The following TAOK3 variants were observed in gnomAD, a reference collection of about 807,000 sequenced individuals.
TAOK3 encodes the protein serine/threonine-protein kinase TAO3.
A neutral mutation model predicts 120.4 loss-of-function variants in TAOK3; 40 were observed. The observed-to-expected ratio is 0.33, with a 90% CI of 0.26 to 0.43. TAOK3 has a LOEUF of 0.43. TAOK3 is among the 20% of genes least tolerant of loss of function. The pLI is 1.00. For missense variants in TAOK3, 821 were observed against 1,112.1 expected, an observed-to-expected ratio of 0.74 and a Z score of 3.72; for synonymous variants, 355 against 387.5, an observed-to-expected ratio of 0.92 and a Z score of 0.99.
chr12:118,286,635 T>C (rs2140473269), intron 1 of TAOK3, among the ~76,000 whole-genome samples: 1 of 151,628 alleles, frequency 6.6e-6, no homozygotes, highest in Non-Finnish European at 1.5e-5. Flanking sequence ...TGTAAACTAG[T>C]ACAACCACTG....
intron 19 of TAOK3, chr12:118,152,632 A>ACGGCGACCACCGAGATCTAC: frequency 2.0e-6 from 1 of 489,904 alleles, no homozygotes. Context: ...TATGATCTGA[A>ACGGCGACCACCGAGATCTAC]ACCACAGCAG....
intron 1 of TAOK3, among the ~76,000 whole-genome samples, chr12:118,343,412 G>A (rs145025800): frequency 0.031 from 4,638 of 147,626 alleles, 183 homozygotes; most frequent in African/African-American, 0.075. Flanking sequence ...AGGCGACAGA[G>A]TGAGTCCCTG....
chr12:118,261,993 T>C (rs1350052774), intron 2 of TAOK3, among the ~76,000 whole-genome samples: 1 of 152,090 alleles, frequency 6.6e-6, no homozygotes, highest in African/African-American at 2.4e-5. Flanking sequence ...CCCAAGTAGC[T>C]AGGATTACAG....
rs139751582 is a variant in TAOK3 at position 118,181,363 on chromosome 12, A to T, written c.1566+8T>A. Reference sequence around the variant, plus strand: ...TTGTGGCATGAAGGCGTGTGTGCACATACTGACCTCCTTTTCTATGATAGC... The same window carrying T: ...TTGTGGCATGAAGGCGTGTGTGCACTTACTGACCTCCTTTTCTATGATAGC... On this transcript the variant is annotated splice_region_variant and intron_variant, in intron 15 of 20. Coordinates refer to ENST00000392533, the MANE Select transcript of TAOK3 (RefSeq NM_016281.4). The T allele has an allele frequency of 4.3e-6, 7 of 1,611,226 alleles. No homozygotes were observed. The East Asian group carries it at 1.6e-4, about 36-fold the overall frequency.
At chr12:118,194,324 G>A (rs559898327) in intron 13 of TAOK3, among the ~76,000 whole-genome samples, 66 of 152,236 alleles carry the variant, frequency 4.3e-4, no homozygotes, top group African/African-American at 1.6e-3. Flanking sequence ...AAAAGCTGGG[G>A]CTGGAGGAAG....
At chr12:118,207,858 T>TCACACACACACACACACACACACACA (rs55978716) in intron 11 of TAOK3, among the ~76,000 whole-genome samples, 81 of 144,434 alleles carry the variant, frequency 5.6e-4, no homozygotes, top group Non-Finnish European at 9.3e-4. Context: ...AGACTCTGTC[T>TCACACACACACACACACACACACACA]CACACACACA....
chr12:118,268,000 A>G (rs1330379187), intron 1 of TAOK3, among the ~76,000 whole-genome samples: 2 of 152,146 alleles, frequency 1.3e-5, no homozygotes, highest in Non-Finnish European at 2.9e-5. Context: ...TGCATTTTTA[A>G]AATGCAGCTG....
intron 9 of TAOK3, among the ~76,000 whole-genome samples, chr12:118,233,211 A>G: frequency 7.6e-6 from 1 of 131,760 alleles, no homozygotes; most frequent in East Asian, 2.3e-4. Context: ...ATGAGAACAC[A>G]TGGACACAGG....
intron 13 of TAOK3, among the ~76,000 whole-genome samples, chr12:118,196,157 T>G (rs1342901576): frequency 6.6e-6 from 1 of 152,082 alleles, no homozygotes; most frequent in African/African-American, 2.4e-5. Flanking sequence ...AGGCAAGGAC[T>G]GGAGAGTAAG....
intron 9 of TAOK3, among the ~76,000 whole-genome samples, chr12:118,227,240 T>C (rs1016285092): frequency 2.7e-5 from 4 of 147,636 alleles, no homozygotes; most frequent in Non-Finnish European, 3.0e-5. Flanking sequence ...AAAATATTAC[T>C]TTTATATTTT....
At chr12:118,300,830 C>G (rs1036239917) in intron 1 of TAOK3, among the ~76,000 whole-genome samples, 1 of 151,942 alleles carries the variant, frequency 6.6e-6, no homozygotes, top group African/African-American at 2.4e-5. Flanking sequence ...GGCTGGAGTG[C>G]AATGGCACAA....
At chr12:118,220,482 T>C (rs1055343762) in intron 9 of TAOK3, among the ~76,000 whole-genome samples, 2 of 151,842 alleles carry the variant, frequency 1.3e-5, no homozygotes, top group South Asian at 2.1e-4. Flanking sequence ...CAGATACTAT[T>C]TGATGGCTTC....
chr12:118,164,033 G>A (rs1031028444), intron 17 of TAOK3, among the ~76,000 whole-genome samples: 29 of 151,694 alleles, frequency 1.9e-4, no homozygotes, highest in Non-Finnish European at 4.3e-4. Flanking sequence ...CTATTAAGAA[G>A]GTCAAGGAGC....
At chr12:118,164,092 G>A (rs2035413276) in intron 17 of TAOK3, among the ~76,000 whole-genome samples, 1 of 151,674 alleles carries the variant, frequency 6.6e-6, no homozygotes, top group Admixed American at 6.6e-5. Context: ...GGAGGCCGAG[G>A]CGGGTGGATC....
intron 3 of TAOK3, among the ~76,000 whole-genome samples, chr12:118,252,517 G>T (rs966181859): frequency 6.6e-6 from 1 of 151,966 alleles, no homozygotes; most frequent in Admixed American, 6.6e-5. Flanking sequence ...TTTACACAGA[G>T]ATTTACCTTT....
rs35580550 is a variant in TAOK3 at position 118,182,625 on chromosome 12, T to TATATATATATATATA, written c.1330-1019_1330-1018insTATATATATATATAT. On this transcript the variant is annotated intron_variant, in intron 14 of 20. Coordinates refer to ENST00000392533, the MANE Select transcript of TAOK3 (RefSeq NM_016281.4). ...TATATATATATATATATATATATAT[T>TATATATATATATATA]TTTTTTTTTTTTTAAGGATCATGTC... is the stretch of plus-strand genomic sequence containing the variant. Among the ~76,000 whole-genome samples, 41 of 57,080 alleles carry TATATATATATATATA rather than the reference T, an allele frequency of 7.2e-4. No individual in the cohort carries two copies. The East Asian group carries it at 9.1e-3, about 13-fold the overall frequency. 37.4% of individuals were successfully genotyped at this position (57,080 alleles called of 152,430 possible). A position where few individuals can be genotyped will look rare whatever the true frequency, so the allele number is the denominator to read the frequency against.
chr12:118,175,576 G>A lies in TAOK3; in HGVS notation c.1695+1625C>T, dbSNP rs191704347. Among the ~76,000 whole-genome samples the A allele has an allele frequency of 2.8e-4, 42 of 152,096 alleles. No individual in the cohort carries two copies. The East Asian group carries it at 6.9e-3, about 25-fold the overall frequency. ...CGGGAGGTGGAGGTTGCAGTGAGCCGAGACTATGACATTGCACTCCAGCTT... is the reference window on the plus strand; with the variant it reads ...CGGGAGGTGGAGGTTGCAGTGAGCCAAGACTATGACATTGCACTCCAGCTT... On this transcript the variant is annotated intron_variant, in intron 16 of 20. Coordinates refer to ENST00000392533, the MANE Select transcript of TAOK3 (RefSeq NM_016281.4).
In TAOK3 at chr12:118,160,687, C is replaced by T. The variant is rs761197543; in HGVS notation, c.2140-329G>A. On this transcript the variant is annotated intron_variant, in intron 18 of 20. Coordinates refer to ENST00000392533, the MANE Select transcript of TAOK3 (RefSeq NM_016281.4). This position sits in a 1 kb window ranked among gnomAD's most constrained non-coding sequence, Gnocchi z 4.2. Reference sequence around the variant, plus strand: ...TTGTTGAAAGAGTGGCAACTCTTTTCATGCTTTCCTAGTCAGACACTTCAG... The same window carrying T: ...TTGTTGAAAGAGTGGCAACTCTTTTTATGCTTTCCTAGTCAGACACTTCAG... Among the ~76,000 whole-genome samples, 4 of 152,174 alleles carry T rather than the reference C, an allele frequency of 2.6e-5. No individual in the cohort carries two copies. Among genetic ancestry groups the T allele is most frequent in the Non-Finnish European group, 4.4e-5 (3 of 68,014 alleles).
intron 1 of TAOK3, among the ~76,000 whole-genome samples, chr12:118,321,289 C>T (rs956659679): frequency 3.3e-5 from 5 of 152,230 alleles, no homozygotes; most frequent in Admixed American, 2.6e-4. Context: ...CAGACAGGGT[C>T]TCACTCTGTC....
Sources: allele counts gnomAD v4.1 joint callset (sites outside exome capture counted in the v4.1 genomes callset), GRCh38; gene constraint gnomAD v4.1.1; non-coding constraint Gnocchi (gnomAD v3.1); transcripts MANE v1.5; gene names NCBI Gene and HGNC (gene_info 2026-07-23, HGNC 2026-07-21).